Variants in SRRM3 observed in about 807,000 individuals in gnomAD.
SRRM3 encodes serine/arginine repetitive matrix protein 3.
SRRM3 carries 27 observed loss-of-function variants against 66.2 expected under a neutral mutation model. The observed-to-expected ratio is 0.41, with a 90% CI of 0.30 to 0.56. SRRM3 has a LOEUF of 0.56. SRRM3 is among the 20% of genes least tolerant of loss of function. The pLI is 0.32. For synonymous variants in SRRM3, 391 were observed against 414.9 expected (o/e 0.94, Z 0.70); for missense variants, 918 against 991.9 (o/e 0.93, Z 1.00).
intron 1 of SRRM3, among the ~76,000 whole-genome samples, chr7:76,204,532 C>G (rs1438448928): frequency 6.6e-6 from 1 of 152,160 alleles, no homozygotes; most frequent in Non-Finnish European, 1.5e-5. Context: ...GCCTCAGGAC[C>G]CCAGGATGAC....
At chr7:76,220,833 A>G (rs1198872812) in intron 1 of SRRM3, among the ~76,000 whole-genome samples, 1 of 152,102 alleles carries the variant, frequency 6.6e-6, no homozygotes, top group Non-Finnish European at 1.5e-5. Context: ...CAGCTCCAGC[A>G]GGGGCAGCAG....
At position 76,284,048 on chromosome 7, in the gene SRRM3, T is replaced by C. The variant is rs1554612420; in HGVS notation, c.1733+947T>C. Among the ~76,000 whole-genome samples the C allele has an allele frequency of 2.6e-5, 4 of 152,156 alleles. No homozygotes were observed. In the East Asian group the frequency reaches 7.7e-4, roughly 29 times the overall value. ...GCATCTTTTCAGTTCTAACAGGGTA[T>C]GATTATCAAACTAGTCCCTCCTAGT... On this transcript the variant is annotated intron_variant, in intron 14 of 14. Transcript: ENST00000611745.
intron 2 of SRRM3, among the ~76,000 whole-genome samples, chr7:76,235,851 C>A (rs1801132103): frequency 6.6e-6 from 1 of 151,376 alleles, no homozygotes; most frequent in Non-Finnish European, 1.5e-5. Context: ...ACTAAAAATA[C>A]AAAAATTAGC....
chr7:76,254,947 G>A (rs1801670387), intron 3 of SRRM3, among the ~76,000 whole-genome samples: 1 of 151,970 alleles, frequency 6.6e-6, no homozygotes, highest in Non-Finnish European at 1.5e-5. Flanking sequence ...CTCTGTACAA[G>A]CTGGGGGATG....
At chr7:76,268,396 G>A (rs1195855850) in intron 11 of SRRM3, 1 of 148,044 alleles carries the variant, frequency 6.8e-6, no homozygotes, top group African/African-American at 2.5e-5. Flanking sequence ...GGGTGGGTGG[G>A]GGGGTGGCTT....
intron 6 of SRRM3, 45 bp from the exon 7 acceptor site, chr7:76,261,307 A>ACCC (rs782659868): frequency 7.0e-4 from 78 of 112,092 alleles, no homozygotes; most frequent in African/African-American, 6.7e-3. Flanking sequence ...CCAGCCCCCC[A>ACCC]CCCCCCACCC....
intron 1 of SRRM3, among the ~76,000 whole-genome samples, chr7:76,220,153 G>C (rs962718098): frequency 6.6e-6 from 1 of 152,238 alleles, no homozygotes; most frequent in African/African-American, 2.4e-5. Flanking sequence ...TCTGTGCCAA[G>C]CCCTGTGCTG....
intron 11 of SRRM3, among the ~76,000 whole-genome samples, chr7:76,270,344 CTGGCAGAGTT>C (rs1198927093): frequency 3.8e-4 from 58 of 152,272 alleles, no homozygotes; most frequent in African/African-American, 9.4e-4. Flanking sequence ...CTGAAGGCAC[CTGGCAGAGTT>C]TAGCTGAGAC....
At chr7:76,261,497 C>T (rs1554608756) in intron 7 of SRRM3, 49 bp from the exon 8 acceptor site, 1 of 1,604,382 alleles carries the variant, frequency 6.2e-7, no homozygotes, top group Non-Finnish European at 8.5e-7. Flanking sequence ...ATAGGTCTCC[C>T]CTGGGCCACC....
At chr7:76,260,356 C>G (rs1433819954) in intron 5 of SRRM3, among the ~76,000 whole-genome samples, 159 bp downstream of exon 5, 1 of 146,946 alleles carries the variant, frequency 6.8e-6, no homozygotes, top group Non-Finnish European at 1.5e-5. Flanking sequence ...AGGTGCCCTC[C>G]GGGTAACTGA....
intron 1 of SRRM3, among the ~76,000 whole-genome samples, chr7:76,208,401 G>A (rs193045564): frequency 1.3e-5 from 2 of 152,056 alleles, no homozygotes; most frequent in East Asian, 1.9e-4. Context: ...AGGTATGGTG[G>A]CTCATGCCTG....
intron 2 of SRRM3, among the ~76,000 whole-genome samples, chr7:76,245,552 C>T (rs1311579194): frequency 1.3e-5 from 2 of 152,094 alleles, no homozygotes; most frequent in African/African-American, 4.8e-5. Flanking sequence ...AATATAGTAT[C>T]CATCCCCTCA....
chr7:76,283,705 GC>G (rs1802591283), intron 14 of SRRM3: 1 of 1,003,508 alleles, frequency 1.0e-6, no homozygotes, highest in East Asian at 6.2e-5. Context: ...GGTCTCTGGG[GC>G]AGCTGTCAGA....
chr7:76,278,402 G>A (rs781985894), intron 11 of SRRM3, among the ~76,000 whole-genome samples: 10 of 152,102 alleles, frequency 6.6e-5, no homozygotes, highest in African/African-American at 2.2e-4. Flanking sequence ...CAGGAGAATC[G>A]CTTGAACCCG....
intron 11 of SRRM3, among the ~76,000 whole-genome samples, chr7:76,271,648 A>AAAC (rs1280600041): frequency 6.6e-5 from 10 of 152,260 alleles, no homozygotes; most frequent in East Asian, 1.9e-4. Flanking sequence ...GTCTCAAAAC[A>AAAC]AACAACAACA....
chr7:76,203,350 A>G (rs1452955311), intron 1 of SRRM3, among the ~76,000 whole-genome samples: 1 of 152,196 alleles, frequency 6.6e-6, no homozygotes, highest in Non-Finnish European at 1.5e-5. Flanking sequence ...AATCTAGGTT[A>G]TGTGACCTCA....
chr7:76,235,572 C>G (rs747414041), intron 2 of SRRM3, among the ~76,000 whole-genome samples: 76 of 152,164 alleles, frequency 5.0e-4, no homozygotes, highest in Admixed American at 7.9e-4. Flanking sequence ...ACGGTTTTTG[C>G]CATTACCTTT....
At chr7:76,251,716 G>A (rs1272833099) in intron 3 of SRRM3, among the ~76,000 whole-genome samples, 5 of 151,968 alleles carry the variant, frequency 3.3e-5, no homozygotes, top group Non-Finnish European at 5.9e-5. Context: ...GATCACTTGA[G>A]CCCAGGAGTT....
At chr7:76,279,696 C>T (rs1218089807) in intron 11 of SRRM3, among the ~76,000 whole-genome samples, 2 of 151,994 alleles carry the variant, frequency 1.3e-5, no homozygotes, top group Non-Finnish European at 2.9e-5. Flanking sequence ...GGGGAAGTGA[C>T]GTGGCCAGGG....
Sources: gnomAD v4.1 joint callset for allele counts (sites outside exome capture counted in the v4.1 genomes callset) on GRCh38, gnomAD v4.1.1 for gene constraint, MANE v1.5 for transcripts, NCBI Gene and HGNC (gene_info 2026-07-23, HGNC 2026-07-21) for gene names.